The following MEF2C variants were observed in gnomAD, a reference collection of about 807,000 sequenced individuals.
MEF2C encodes the protein myocyte enhancer factor 2C.
In MEF2C, 6 loss-of-function variants were observed where a neutral mutation model predicts 50.5. That is an observed-to-expected ratio of 0.12 (90% confidence interval 0.07 to 0.23). MEF2C has a LOEUF of 0.23. Ranked by LOEUF, MEF2C falls within the 10% of genes least tolerant of loss-of-function variation. The probability of loss-of-function intolerance (pLI) is 1.00; values close to 1 mark genes in which losing one functional copy is unlikely to be tolerated. For synonymous variants in MEF2C, 183 were observed against 228.0 expected, an observed-to-expected ratio of 0.80 and a Z score of 1.78; for missense variants, 276 against 605.0, an observed-to-expected ratio of 0.46 and a Z score of 5.70.
chr5:88,727,590 C>T (rs939917994), intron 10 of MEF2C, among the ~76,000 whole-genome samples: 3 of 151,940 alleles, frequency 2.0e-5, no homozygotes, highest in Admixed American at 6.6e-5. Context: ...AAGTGATTAA[C>T]GATAACAAAT....
chr5:88,832,641 C>A (rs1561254143), intron 1 of MEF2C, among the ~76,000 whole-genome samples: 1 of 152,012 alleles, frequency 6.6e-6, no homozygotes, highest in African/African-American at 2.4e-5. Flanking sequence ...AAGTCTAATA[C>A]CTGTATGAAG....
chr5:88,741,879 C>T (rs1166061853), intron 6 of MEF2C: 1 of 985,212 alleles, frequency 1.0e-6, no homozygotes, highest in African/African-American at 1.7e-5. Flanking sequence ...CACTTAGCAC[C>T]TTTTGGACGT....
intron 4 of MEF2C, among the ~76,000 whole-genome samples, chr5:88,753,155 T>C (rs1480688137): frequency 6.6e-6 from 1 of 152,202 alleles, no homozygotes; most frequent in Non-Finnish European, 1.5e-5. Flanking sequence ...TCTGTTACTG[T>C]TTGGTTGGCT....
At chr5:88,828,874 T>A (rs559383961) in intron 1 of MEF2C, among the ~76,000 whole-genome samples, 13 of 152,078 alleles carry the variant, frequency 8.5e-5, no homozygotes, top group African/African-American at 3.1e-4. Flanking sequence ...TTGAGGAGGA[T>A]TTCTTTGGCC....
intron 3 of MEF2C, among the ~76,000 whole-genome samples, chr5:88,767,210 G>A (rs1780426903): frequency 1.3e-5 from 2 of 152,102 alleles, no homozygotes; most frequent in Non-Finnish European, 2.9e-5. Context: ...TGTTTTGTAC[G>A]CTTATGTGTT....
intron 1 of MEF2C, chr5:88,838,506 T>C (rs1816053082): frequency 4.3e-6 from 4 of 931,110 alleles, no homozygotes; most frequent in Non-Finnish European, 5.1e-6. Context: ...GTCTTCCTGA[T>C]AATGGGTCAG....
rs539031301 is a variant in MEF2C at position 88,734,769 on chromosome 5, C to T, written c.638-2868G>A. 1,785 of 981,310 alleles carry T rather than the reference C, an allele frequency of 1.8e-3. 1 individual carries two copies. The highest frequency in any genetic ancestry group is 2.1e-3 in the Non-Finnish European group (1,720 of 826,518). The allele number at this position is 981,310 out of a possible 1,614,324, so 60.8% of individuals were successfully genotyped here. On this transcript the variant is annotated intron_variant, in intron 6 of 10. Transcript: ENST00000504921. ...TAAAAAAATTGATTTTAAAAGCCTT[C>T]TATTTTTCTCTTGGAATATTTCCTG...
At position 88,793,504 on chromosome 5, in the gene MEF2C, C is replaced by A. The variant is rs561032404; in HGVS notation, c.258+11094G>T. On this transcript the variant is annotated intron_variant, in intron 3 of 10. Transcript: ENST00000504921. ...GCATTTCATAGCATATAACACAGAG[C>A]AGGAATTCAACAAATTTTTGTTCAA... Among the ~76,000 whole-genome samples, 3 of 152,088 alleles carry A rather than the reference C, an allele frequency of 2.0e-5. No individual in the cohort carries two copies. The East Asian group carries it at 5.8e-4, about 29-fold the overall frequency.
intron 1 of MEF2C, among the ~76,000 whole-genome samples, chr5:88,875,241 G>A (rs1258891689): frequency 1.3e-5 from 2 of 152,030 alleles, no homozygotes; most frequent in African/African-American, 4.8e-5. Flanking sequence ...CCTTTCAAAT[G>A]AAAAGCATAA....
intron 6 of MEF2C, among the ~76,000 whole-genome samples, chr5:88,744,293 C>A (rs1032041570): frequency 1.3e-5 from 2 of 152,232 alleles, no homozygotes; most frequent in African/African-American, 4.8e-5. Context: ...GTGGCTCACG[C>A]CTGTAATCCC....
At chr5:88,865,077 T>A (rs1471871345) in intron 1 of MEF2C, among the ~76,000 whole-genome samples, 5 of 151,764 alleles carry the variant, frequency 3.3e-5, no homozygotes, top group Admixed American at 6.6e-5. Context: ...AAAAAAAAAA[T>A]TTGGAGACTG....
At chr5:88,834,045 C>G (rs1428341109) in intron 1 of MEF2C, among the ~76,000 whole-genome samples, 1 of 151,912 alleles carries the variant, frequency 6.6e-6, no homozygotes, top group East Asian at 1.9e-4. Flanking sequence ...GTGCAAAACT[C>G]CAGAACAAGA....
At chr5:88,802,588 A>AC (rs1320080880) in intron 3 of MEF2C, among the ~76,000 whole-genome samples, 2 of 152,066 alleles carry the variant, frequency 1.3e-5, no homozygotes, top group Non-Finnish European at 2.9e-5. Context: ...CTGGGACCAC[A>AC]CATGTGTGCC....
chr5:88,888,725 T>G (rs1039603407), intron 1 of MEF2C, among the ~76,000 whole-genome samples: 5 of 152,072 alleles, frequency 3.3e-5, no homozygotes, highest in African/African-American at 4.8e-5. Flanking sequence ...GTAAGGTTTT[T>G]TTTTTTTTTT....
At chr5:88,810,151 T>C (rs1029996291) in intron 2 of MEF2C, among the ~76,000 whole-genome samples, 2 of 152,138 alleles carry the variant, frequency 1.3e-5, no homozygotes, top group African/African-American at 4.8e-5. Context: ...TATAATTTTA[T>C]GTTAGAGTAG....
chr5:88,835,168 A>G (rs968629332), intron 1 of MEF2C, among the ~76,000 whole-genome samples: 7 of 152,216 alleles, frequency 4.6e-5, no homozygotes, highest in Non-Finnish European at 8.8e-5. Flanking sequence ...TGATAAATAC[A>G]ATGCAAAATT....
At chr5:88,740,856 C>A in intron 6 of MEF2C, 1 of 985,272 alleles carries the variant, frequency 1.0e-6, no homozygotes. Context: ...TTGGGGCTGT[C>A]TCTTTGCTAA....
Position 88,792,407 on chromosome 5 carries a change from T to C in MEF2C, c.258+12191A>G, listed in dbSNP as rs558363355. ...TTTATGGTGAGTGTTTAGTTCCAGA[T>C]CAGAGTCTCTCGAAGTGAACATTTA... is the stretch of plus-strand genomic sequence containing the variant. On this transcript the variant is annotated intron_variant, in intron 3 of 10. Coordinates refer to ENST00000504921, the MANE Select transcript of MEF2C (RefSeq NM_002397.5). Among the ~76,000 whole-genome samples the C allele has an allele frequency of 8.1e-4, 123 of 152,272 alleles. 1 individual carries two copies. The highest frequency in any genetic ancestry group is 1.3e-3 in the Non-Finnish European group (87 of 68,008).
intron 1 of MEF2C, among the ~76,000 whole-genome samples, chr5:88,873,997 A>T (rs1232037288): frequency 6.6e-6 from 1 of 151,918 alleles, no homozygotes; most frequent in Non-Finnish European, 1.5e-5. Flanking sequence ...GGGTGAAAAG[A>T]TCTACTTTTT....
Sources: allele counts gnomAD v4.1 joint callset (sites outside exome capture counted in the v4.1 genomes callset), GRCh38; gene constraint gnomAD v4.1.1; transcripts MANE v1.5; gene names NCBI Gene and HGNC (gene_info 2026-07-23, HGNC 2026-07-21).